The following CTNNA3 variants were observed in gnomAD, a reference collection of about 807,000 sequenced individuals.
CTNNA3 encodes catenin alpha 3.
In CTNNA3, 76 loss-of-function variants were observed where a neutral mutation model predicts 95.7. That is an observed-to-expected ratio of 0.79 (90% CI 0.66 to 0.96). CTNNA3 has a LOEUF of 0.96. Among genes scored for constraint, CTNNA3 ranks in the 40% least tolerant of loss-of-function variants. The pLI is 0.00. For missense variants in CTNNA3, 1,191 were observed against 1,089.8 expected (o/e 1.09, Z -1.31); for synonymous variants, 431 against 374.4 (o/e 1.15, Z -1.74).
At chr10:67,620,467 C>G (rs112466730) in intron 2 of CTNNA3, among the ~76,000 whole-genome samples, 1 of 152,276 alleles carries the variant, frequency 6.6e-6, no homozygotes, top group African/African-American at 2.4e-5. Context: ...AAAGACTGAG[C>G]ATTTACCAAA....
intron 11 of CTNNA3, among the ~76,000 whole-genome samples, chr10:66,482,537 T>C (rs11599625): frequency 0.014 from 2,148 of 151,594 alleles, 32 homozygotes; most frequent in Non-Finnish European, 0.022. Flanking sequence ...GCTGATGCGT[T>C]AAACCAATAT....
intron 13 of CTNNA3, among the ~76,000 whole-genome samples, chr10:66,241,348 A>G (rs1315982126): frequency 6.6e-6 from 1 of 152,144 alleles, no homozygotes; most frequent in Non-Finnish European, 1.5e-5. Flanking sequence ...TGAATCTCAA[A>G]GTAACTCAAA....
intron 5 of CTNNA3, among the ~76,000 whole-genome samples, chr10:67,402,246 C>G (rs1042978178): frequency 2.0e-5 from 3 of 152,126 alleles, no homozygotes. Context: ...TAAAGAGAGA[C>G]AAAAACTTAA....
At chr10:67,645,997 T>G (rs1839694716) in intron 2 of CTNNA3, among the ~76,000 whole-genome samples, 1 of 148,710 alleles carries the variant, frequency 6.7e-6, no homozygotes, top group South Asian at 2.1e-4. Context: ...AGATATATTC[T>G]TTAATATTAC....
chr10:66,199,806 T>TATATGTATATA (rs1554887153), intron 13 of CTNNA3, among the ~76,000 whole-genome samples: 1 of 9,042 alleles, frequency 1.1e-4, no homozygotes, highest in Non-Finnish European at 1.8e-4. Flanking sequence ...TATATATATA[T>TATATGTATATA]TTTTTTTTTT....
chr10:66,893,132 T>C (rs545785268), intron 7 of CTNNA3, among the ~76,000 whole-genome samples: 12 of 152,102 alleles, frequency 7.9e-5, no homozygotes, highest in Non-Finnish European at 1.5e-4. Context: ...GCATTAAATT[T>C]ACATTAGAAA....
At chr10:67,358,612 G>A (rs1288542353) in intron 5 of CTNNA3, among the ~76,000 whole-genome samples, 6 of 152,044 alleles carry the variant, frequency 3.9e-5, no homozygotes. Flanking sequence ...TAGCTACAAG[G>A]ATACCCTGCC....
chr10:66,365,825 T>C (rs1030249887), intron 12 of CTNNA3, among the ~76,000 whole-genome samples: 3 of 151,912 alleles, frequency 2.0e-5, no homozygotes, highest in Admixed American at 1.3e-4. Flanking sequence ...TGAAAAAATA[T>C]AGGCAGCATG....
intron 3 of CTNNA3, among the ~76,000 whole-genome samples, chr10:67,589,991 G>A (rs1842745252): frequency 1.3e-5 from 2 of 152,018 alleles, no homozygotes; most frequent in South Asian, 4.1e-4. Flanking sequence ...AAATCTCAAA[G>A]TCAAGTTATC....
At chr10:66,326,030 A>T (rs1274970697) in intron 12 of CTNNA3, among the ~76,000 whole-genome samples, 1 of 152,190 alleles carries the variant, frequency 6.6e-6, no homozygotes, top group African/African-American at 2.4e-5. Flanking sequence ...AACGTAATTG[A>T]TGCAAACTTT....
chr10:66,393,359 C>T (rs919662510), intron 11 of CTNNA3, among the ~76,000 whole-genome samples: 1 of 151,966 alleles, frequency 6.6e-6, no homozygotes, highest in Non-Finnish European at 1.5e-5. Flanking sequence ...CTACTGTAAA[C>T]GGTAGGATTT....
intron 7 of CTNNA3, among the ~76,000 whole-genome samples, chr10:66,915,348 A>C (rs1275933281): frequency 6.6e-6 from 1 of 152,146 alleles, no homozygotes; most frequent in African/African-American, 2.4e-5. Context: ...TGGTATGGGA[A>C]GACAGTAATT....
At chr10:67,424,866 T>C (rs1025751243) in intron 5 of CTNNA3, among the ~76,000 whole-genome samples, 3 of 152,144 alleles carry the variant, frequency 2.0e-5, no homozygotes, top group Non-Finnish European at 4.4e-5. Flanking sequence ...TCAATGTTTG[T>C]TAAATGAATA....
chr10:67,050,895 G>T (rs1925603), intron 7 of CTNNA3, among the ~76,000 whole-genome samples: 84,742 of 152,026 alleles, frequency 0.56, 24,015 homozygotes, highest in East Asian at 0.78. Context: ...TAGCACAAAT[G>T]ATTCTTTATT....
At chr10:67,260,884 C>T (rs1366961301) in intron 5 of CTNNA3, among the ~76,000 whole-genome samples, 2 of 151,992 alleles carry the variant, frequency 1.3e-5, no homozygotes, top group Non-Finnish European at 2.9e-5. Context: ...GGGGTTTCTC[C>T]ATGTTGGTCA....
chr10:67,084,949 G>T (rs966774274), intron 7 of CTNNA3, among the ~76,000 whole-genome samples: 1 of 151,820 alleles, frequency 6.6e-6, no homozygotes, highest in Non-Finnish European at 1.5e-5. Flanking sequence ...TTTGTGCCTT[G>T]TATGTTATAA....
intron 1 of CTNNA3, among the ~76,000 whole-genome samples, chr10:67,747,662 G>A (rs1224103957): frequency 2.6e-5 from 4 of 152,192 alleles, no homozygotes; most frequent in Admixed American, 6.5e-5. Flanking sequence ...AAGAATCAAC[G>A]AAAAAACGCT....
At chr10:67,159,532 A>G (rs1286604258) in intron 7 of CTNNA3, among the ~76,000 whole-genome samples, 1 of 152,240 alleles carries the variant, frequency 6.6e-6, no homozygotes, top group Non-Finnish European at 1.5e-5. Context: ...GTTATTTATC[A>G]ATTAAAAATG....
chr10:67,283,564 A>AAGAGATGC (rs1165710480), intron 5 of CTNNA3, among the ~76,000 whole-genome samples: 1 of 152,168 alleles, frequency 6.6e-6, no homozygotes, highest in Non-Finnish European at 1.5e-5. Flanking sequence ...ATCAGGATAT[A>AAGAGATGC]AGAGATGCAG....
Sources: allele counts gnomAD v4.1 joint callset (sites outside exome capture counted in the v4.1 genomes callset), GRCh38; gene constraint gnomAD v4.1.1; transcripts MANE v1.5; gene names NCBI Gene and HGNC (gene_info 2026-07-23, HGNC 2026-07-21).